The following BICC1 variants were observed in gnomAD, a reference collection of about 807,000 sequenced individuals.
BICC1 encodes BicC family RNA binding protein 1.
Under a neutral mutation model 111.0 loss-of-function variants are expected in BICC1, and 43 were observed. That is an observed-to-expected ratio of 0.39 (90% CI 0.30 to 0.50). BICC1 has a LOEUF of 0.50. BICC1 is among the 20% of genes least tolerant of loss of function. The probability of loss-of-function intolerance (pLI) is 0.88; values close to 1 mark genes in which losing one functional copy is unlikely to be tolerated. For synonymous variants in BICC1, 467 were observed against 434.4 expected, an observed-to-expected ratio of 1.07 and a Z score of -0.93; for missense variants, 1,091 against 1,203.2, an observed-to-expected ratio of 0.91 and a Z score of 1.38.
chr10:58,618,652 G>A (rs948312047), intron 1 of BICC1, among the ~76,000 whole-genome samples: 10 of 152,174 alleles, frequency 6.6e-5, no homozygotes, highest in Admixed American at 3.3e-4. Flanking sequence ...GACACTTGGC[G>A]TGACACAGTG....
At chr10:58,701,390 C>T (rs1359907671) in intron 2 of BICC1, among the ~76,000 whole-genome samples, 1 of 152,084 alleles carries the variant, frequency 6.6e-6, no homozygotes. Flanking sequence ...CGTCCATTTC[C>T]GTTGCTGGGC....
chr10:58,529,662 A>T (rs1381322114), intron 1 of BICC1, among the ~76,000 whole-genome samples: 2 of 151,620 alleles, frequency 1.3e-5, no homozygotes, highest in African/African-American at 4.8e-5. Flanking sequence ...TCTGGGGGGA[A>T]TTTTTTTTAA....
intron 1 of BICC1, among the ~76,000 whole-genome samples, chr10:58,539,183 A>G (rs1035175136): frequency 6.6e-6 from 1 of 151,910 alleles, no homozygotes; most frequent in African/African-American, 2.4e-5. Flanking sequence ...TGGCATATGT[A>G]TATTGTAGAA....
intron 3 of BICC1, among the ~76,000 whole-genome samples, chr10:58,737,222 A>G (rs574449750): frequency 9.2e-5 from 14 of 152,212 alleles, no homozygotes; most frequent in African/African-American, 3.4e-4. Context: ...AACATTAGGT[A>G]TATCTCCCAA....
intron 2 of BICC1, among the ~76,000 whole-genome samples, chr10:58,626,623 A>C (rs1406908404): frequency 6.6e-6 from 1 of 152,204 alleles, no homozygotes; most frequent in African/African-American, 2.4e-5. Context: ...GAACACAGGA[A>C]GACTGGGTTT....
rs904086737 is a variant in BICC1 at position 58,513,100 on chromosome 10, C to G, written c.-44C>G. ...CGGCGAGCGGAGGCGGCAGCGCAGG[C>G]AGAGCGGCGGCGGCAGCGGGAGCCC... On this transcript the variant is annotated 5_prime_UTR_variant, in exon 1 of 21. Coordinates refer to ENST00000373886, the MANE Select transcript of BICC1 (RefSeq NM_001080512.3). 1.5e-5 allele frequency: 20 copies of G among 1,329,226 alleles called. No individual in the cohort carries two copies. The highest frequency in any genetic ancestry group is 1.5e-5 in the Non-Finnish European group (16 of 1,040,610). The allele number at this position is 1,329,226 out of a possible 1,614,324, so 82.3% of individuals were successfully genotyped here. A position where few individuals can be genotyped will look rare whatever the true frequency, so the allele number is the denominator to read the frequency against.
At chr10:58,634,792 A>T (rs2393458) in intron 2 of BICC1, among the ~76,000 whole-genome samples, 151,469 of 152,286 alleles carry the variant, frequency 0.99, 75,329 homozygotes, top group Middle Eastern at 1. Context: ...AAATCATCAA[A>T]TAACATGCAT....
chr10:58,697,330 A>T (rs1290810231), intron 2 of BICC1, among the ~76,000 whole-genome samples: 1 of 152,176 alleles, frequency 6.6e-6, no homozygotes, highest in Non-Finnish European at 1.5e-5. Flanking sequence ...GCATTCATAA[A>T]ATTATCTCTT....
chr10:58,792,792 G>T (rs191329053), intron 8 of BICC1, among the ~76,000 whole-genome samples: 2 of 152,128 alleles, frequency 1.3e-5, no homozygotes, highest in Admixed American at 6.5e-5. Flanking sequence ...GATAATAATA[G>T]TAATAAAGTG....
chr10:58,700,306 A>G (rs1302530046), intron 2 of BICC1, among the ~76,000 whole-genome samples: 8 of 152,170 alleles, frequency 5.3e-5, no homozygotes. Flanking sequence ...ATTCTGAGGA[A>G]GAGATAATAG....
At chr10:58,612,043 G>C (rs1395273752) in intron 1 of BICC1, among the ~76,000 whole-genome samples, 1 of 152,154 alleles carries the variant, frequency 6.6e-6, no homozygotes, top group Non-Finnish European at 1.5e-5. Flanking sequence ...CTGGTAATTA[G>C]AGAGGGAAAA....
chr10:58,713,277 T>C (rs1339594844), intron 3 of BICC1, among the ~76,000 whole-genome samples: 1 of 152,190 alleles, frequency 6.6e-6, no homozygotes, highest in African/African-American at 2.4e-5. Flanking sequence ...TCTTCCTGTT[T>C]CCAGAACAGA....
intron 2 of BICC1, among the ~76,000 whole-genome samples, chr10:58,632,939 A>G (rs762401624): frequency 3.3e-5 from 5 of 152,160 alleles, no homozygotes; most frequent in Admixed American, 2.0e-4. Flanking sequence ...GGTTTAGAGG[A>G]TATGTAGAAG....
chr10:58,576,687 A>G (rs992746223), intron 1 of BICC1, among the ~76,000 whole-genome samples: 1 of 152,202 alleles, frequency 6.6e-6, no homozygotes, highest in Admixed American at 6.6e-5. Context: ...GGAGATATGT[A>G]TATACAAAAT....
chr10:58,573,052 A>C (rs1658419), intron 1 of BICC1, among the ~76,000 whole-genome samples: 69,881 of 151,952 alleles, frequency 0.46, 17,092 homozygotes, highest in Admixed American at 0.62. Context: ...TTTTACCTCA[A>C]ACAAAATGAT....
At chr10:58,763,917 C>A (rs1240211950) in intron 3 of BICC1, among the ~76,000 whole-genome samples, 1 of 151,256 alleles carries the variant, frequency 6.6e-6, no homozygotes, top group African/African-American at 2.4e-5. Context: ...GAGAATAAAG[C>A]CAAAGGGATC....
intron 1 of BICC1, among the ~76,000 whole-genome samples, chr10:58,535,005 G>T (rs1004027297): frequency 4.6e-5 from 7 of 151,548 alleles, no homozygotes; most frequent in African/African-American, 1.7e-4. Context: ...TTCAGAGCTT[G>T]AAGACAAGGC....
chr10:58,798,301 A>C, intron 10 of BICC1, 98 bp from the exon 11 acceptor site: 2 of 910,392 alleles, frequency 2.2e-6, no homozygotes, highest in Non-Finnish European at 3.1e-6. Context: ...AAAATATCAG[A>C]TTATATCATT....
At chr10:58,542,793 T>G (rs981568102) in intron 1 of BICC1, among the ~76,000 whole-genome samples, 1 of 151,336 alleles carries the variant, frequency 6.6e-6, no homozygotes, top group Non-Finnish European at 1.5e-5. Flanking sequence ...GTTAAGGAAA[T>G]GTAACTCAAA....
Sources: gnomAD v4.1 joint callset for allele counts (sites outside exome capture counted in the v4.1 genomes callset) on GRCh38, gnomAD v4.1.1 for gene constraint, MANE v1.5 for transcripts, NCBI Gene and HGNC (gene_info 2026-07-23, HGNC 2026-07-21) for gene names.